The following ARHGEF38 variants were observed in gnomAD, a reference collection of about 807,000 sequenced individuals.
ARHGEF38 encodes the protein Rho guanine nucleotide exchange factor 38.
Under a neutral mutation model 79.9 loss-of-function variants are expected in ARHGEF38, and 79 were observed. The observed-to-expected ratio is 0.99, with a 90% confidence interval of 0.82 to 1.19. The LOEUF is 1.19. Among genes scored for constraint, ARHGEF38 ranks in the 50% most tolerant of loss-of-function variants. The probability of loss-of-function intolerance (pLI) is 0.00; values close to 1 mark genes in which losing one functional copy is unlikely to be tolerated. For synonymous variants in ARHGEF38, 366 were observed against 328.3 expected (o/e 1.11, Z -1.24); for missense variants, 962 against 907.2 (o/e 1.06, Z -0.78).
At chr4:105,635,371 G>A (rs1578332919) in intron 4 of ARHGEF38, among the ~76,000 whole-genome samples, 1 of 151,830 alleles carries the variant, frequency 6.6e-6, no homozygotes, top group South Asian at 2.1e-4. Context: ...CTTTCATAAA[G>A]CGTTATACTA....
At chr4:105,599,258 A>G (rs1351828480) in intron 2 of ARHGEF38, among the ~76,000 whole-genome samples, 1 of 152,136 alleles carries the variant, frequency 6.6e-6, no homozygotes, top group East Asian at 1.9e-4. Flanking sequence ...TGTTACATTT[A>G]TAAGCACCTC....
intron 3 of ARHGEF38, among the ~76,000 whole-genome samples, chr4:105,628,552 A>G (rs1729046739): frequency 6.6e-6 from 1 of 152,196 alleles, no homozygotes; most frequent in South Asian, 2.1e-4. Flanking sequence ...CATATGACCT[A>G]CACTAGTTGA....
At position 105,630,909 on chromosome 4, in the gene ARHGEF38, T is replaced by C; in HGVS notation, c.520T>C (p.Leu174=). 6.2e-7 allele frequency: 1 copy of C among 1,609,794 alleles called. No individual in the cohort carries two copies. The highest frequency in any genetic ancestry group is 1.1e-5 in the South Asian group (1 of 89,824). The change falls in exon 4 of 14, where the codon TTG becomes CTG. Residue 174 remains leucine, a synonymous_variant. Coordinates refer to ENST00000420470, the MANE Select transcript of ARHGEF38 (RefSeq NM_001242729.2). The stretch of plus-strand genomic sequence containing the variant: ...TTTGCATTTATCAGGAGAAGTATTC[T>C]TGCAGATTAAAGGGCCACTGGAAGA... ...PAMQVIGEVF[L]QIKGPLEDIY...
intron 10 of ARHGEF38, 143 bp downstream of exon 10, chr4:105,659,508 T>TA (rs1394963086): frequency 1.2e-6 from 1 of 861,400 alleles, no homozygotes; most frequent in East Asian, 2.7e-5. Context: ...TCCAGTCAGA[T>TA]AGTCTCCTGT....
chr4:105,622,652 A>T lies in ARHGEF38; in HGVS notation c.509-8246A>T, dbSNP rs373512998. Among the ~76,000 whole-genome samples, 182 of 152,314 alleles carry T rather than the reference A, an allele frequency of 1.2e-3. 5 individuals are homozygous for T. In the South Asian group the frequency reaches 0.037, roughly 31 times the overall value. Reference sequence around the variant, plus strand: ...AACTCACAAGTCCAGGACTAGTGCAACTGCTTGCTGCTCCTTCAACCTCTT... The same window carrying T: ...AACTCACAAGTCCAGGACTAGTGCATCTGCTTGCTGCTCCTTCAACCTCTT... On this transcript the variant is annotated intron_variant, in intron 3 of 13. Coordinates refer to ENST00000420470, the MANE Select transcript of ARHGEF38 (RefSeq NM_001242729.2).
At chr4:105,561,382 C>A in intron 1 of ARHGEF38, among the ~76,000 whole-genome samples, 1 of 52,976 alleles carries the variant, frequency 1.9e-5, no homozygotes, top group Non-Finnish European at 3.9e-5. Flanking sequence ...AGCCTGGAGT[C>A]TCAAAAATAG....
intron 1 of ARHGEF38, 30 bp from the exon 2 acceptor site, chr4:105,589,218 G>GCC: frequency 4.5e-6 from 7 of 1,567,516 alleles, no homozygotes; most frequent in Non-Finnish European, 6.0e-6. Flanking sequence ...TCAGCAGAAT[G>GCC]CCTCACCTGT....
chr4:105,645,665 G>A (rs1729809015), intron 6 of ARHGEF38, among the ~76,000 whole-genome samples: 1 of 152,182 alleles, frequency 6.6e-6, no homozygotes, highest in Non-Finnish European at 1.5e-5. Flanking sequence ...GTGGGCTGAA[G>A]AAACCCATTG....
intron 4 of ARHGEF38, among the ~76,000 whole-genome samples, chr4:105,631,856 G>C (rs1475067383): frequency 6.6e-6 from 1 of 152,160 alleles, no homozygotes; most frequent in Non-Finnish European, 1.5e-5. Context: ...ATCTTACCCA[G>C]TGGCTCTCTT....
Position 105,648,639 on chromosome 4 carries a change from G to C in ARHGEF38, c.965G>C (p.Arg322Thr). ...NIHSISKKSK[R>T]VTNHLKILTR... The stretch of plus-strand genomic sequence containing the variant: ...CATTCAATTAGCAAGAAATCAAAAA[G>C]AGTGACAAATCATCTGAAGATTCTG... The change falls in exon 7 of 14, where the codon AGA (arginine) becomes ACA (threonine). Residue 322 changes from arginine to threonine, a missense_variant. Arg to Thr is a moderately conservative substitution (Grantham distance 71, BLOSUM62 -1). Coordinates refer to ENST00000420470, the MANE Select transcript of ARHGEF38 (RefSeq NM_001242729.2). 2 of 1,533,118 alleles carry C rather than the reference G, an allele frequency of 1.3e-6. No individual in the cohort carries two copies. Among genetic ancestry groups the C allele is most frequent in the Non-Finnish European group, 1.7e-6 (2 of 1,145,650 alleles). 95.0% of individuals were successfully genotyped at this position (1,533,118 alleles called of 1,614,324 possible).
chr4:105,585,852 C>T (rs1727018740), intron 1 of ARHGEF38, among the ~76,000 whole-genome samples: 2 of 148,312 alleles, frequency 1.3e-5, no homozygotes, highest in African/African-American at 5.0e-5. Context: ...CTGCCTTAGC[C>T]TCCCAAGTAG....
chr4:105,676,686 A>G (rs1483916347), intron 13 of ARHGEF38, among the ~76,000 whole-genome samples: 1 of 152,120 alleles, frequency 6.6e-6, no homozygotes, highest in Non-Finnish European at 1.5e-5. Flanking sequence ...GAGGTCAGAG[A>G]AAAATTCTTT....
chr4:105,671,244 A>G (rs1019899973), intron 13 of ARHGEF38, among the ~76,000 whole-genome samples: 1 of 152,218 alleles, frequency 6.6e-6, no homozygotes, highest in African/African-American at 2.4e-5. Context: ...TCGGTAGCAC[A>G]TGGGATCCCT....
At chr4:105,561,929 G>T (rs181323559) in intron 1 of ARHGEF38, among the ~76,000 whole-genome samples, 1 of 152,156 alleles carries the variant, frequency 6.6e-6, no homozygotes, top group South Asian at 2.1e-4. Flanking sequence ...TTGTGGAAAA[G>T]TGACTAGGAA....
chr4:105,659,335 G>A lies in ARHGEF38; in HGVS notation c.1515G>A (p.Val505=). 6.5e-7 allele frequency: 1 copy of A among 1,535,324 alleles called. No homozygotes were observed. Among genetic ancestry groups the A allele is most frequent in the South Asian group, 1.2e-5 (1 of 83,990 alleles). Residue 505 remains valine (V), a synonymous_variant, in exon 10 of 14, where the codon GTG becomes GTA. Transcript: ENST00000420470. ...FITLLRDLML[V]AQQAYSTLVP... The stretch of plus-strand genomic sequence containing the variant: ...CCCTCCTTAGGGACCTGATGCTCGT[G>A]GCACAGCAGGCTTACTCCACACTTG...
intron 1 of ARHGEF38, among the ~76,000 whole-genome samples, chr4:105,565,763 C>T (rs1725857829): frequency 6.6e-6 from 1 of 152,084 alleles, no homozygotes; most frequent in South Asian, 2.1e-4. Flanking sequence ...ATCTCCTCTA[C>T]CTGCTCTTTT....
intron 5 of ARHGEF38, among the ~76,000 whole-genome samples, chr4:105,643,872 C>CTTTTTT (rs5860804): frequency 3.1e-5 from 3 of 98,096 alleles, no homozygotes; most frequent in Non-Finnish European, 5.6e-5. Flanking sequence ...TGCCTTCCTA[C>CTTTTTT]TTTTTTTTTT....
intron 13 of ARHGEF38, among the ~76,000 whole-genome samples, chr4:105,673,191 G>C (rs1281275858): frequency 6.6e-6 from 1 of 152,068 alleles, no homozygotes; most frequent in African/African-American, 2.4e-5. Flanking sequence ...ACAGTCAAGG[G>C]GAGGAGATTA....
At chr4:105,622,097 G>A (rs964573702) in intron 3 of ARHGEF38, among the ~76,000 whole-genome samples, 1 of 152,132 alleles carries the variant, frequency 6.6e-6, no homozygotes, top group Non-Finnish European at 1.5e-5. Flanking sequence ...GTGCTGCTAG[G>A]ACTTATTTCT....
Sources: gnomAD v4.1 joint callset for allele counts (sites outside exome capture counted in the v4.1 genomes callset) on GRCh38, gnomAD v4.1.1 for gene constraint, MANE v1.5 for transcripts, NCBI Gene and HGNC (gene_info 2026-07-23, HGNC 2026-07-21) for gene names.